Variants in MTSS1 observed in about 807,000 individuals in gnomAD.
MTSS1 encodes the protein protein MTSS 1.
In MTSS1, 18 loss-of-function variants were observed where a neutral mutation model predicts 79.0. That is an observed-to-expected ratio of 0.23 (90% confidence interval 0.16 to 0.34). MTSS1 has a LOEUF of 0.34. Ranked by LOEUF, MTSS1 falls within the 10% of genes least tolerant of loss-of-function variation. MTSS1 has a pLI of 1.00. For missense variants in MTSS1, 815 were observed against 986.2 expected, an observed-to-expected ratio of 0.83 and a Z score of 2.33; for synonymous variants, 341 against 368.6, an observed-to-expected ratio of 0.93 and a Z score of 0.86.
At position 124,551,515 on chromosome 8, in the gene MTSS1, A is replaced by C. The variant is rs1220063051; in HGVS notation, c.*1477T>G. The C allele has an allele frequency of 6.5e-6, 1 of 152,680 alleles. No individual in the cohort carries two copies. The highest frequency in any genetic ancestry group is 2.4e-5 in the African/African-American group (1 of 41,460). 9.5% of individuals were successfully genotyped at this position (152,680 alleles called of 1,614,324 possible). A position where few individuals can be genotyped will look rare whatever the true frequency, so the allele number is the denominator to read the frequency against. ...GATTAGGTAATTGAGGGTTAGAGCC[A>C]ACAGGAATCTGCAGGGTGTATGAAA... On this transcript the variant is annotated 3_prime_UTR_variant, in exon 14 of 14. Transcript: ENST00000518547.
intron 10 of MTSS1, 70 bp downstream of exon 10, chr8:124,562,712 G>T: frequency 6.9e-7 from 1 of 1,458,160 alleles, no homozygotes; most frequent in Non-Finnish European, 9.6e-7. Flanking sequence ...GTGCTTCTTT[G>T]GTTCTGGCCA....
intron 11 of MTSS1, chr8:124,556,612 T>A: frequency 1.7e-6 from 1 of 592,908 alleles, no homozygotes; most frequent in Non-Finnish European, 2.9e-6. Context: ...TGTACCTCCC[T>A]TTTCCTCGTC....
At chr8:124,654,886 A>G (rs1229593891) in intron 3 of MTSS1, among the ~76,000 whole-genome samples, 1 of 152,232 alleles carries the variant, frequency 6.6e-6, no homozygotes, top group East Asian at 1.9e-4. Context: ...AATTTCAATA[A>G]CTTGCCCAAG....
chr8:124,666,552 C>T (rs1483758836), intron 3 of MTSS1, among the ~76,000 whole-genome samples: 1 of 152,074 alleles, frequency 6.6e-6, no homozygotes, highest in Non-Finnish European at 1.5e-5. Context: ...CGGCTAAGTT[C>T]GCCACCGGGA....
rs1232976338 is a variant in MTSS1, at chr8:124,557,814, G to A, written c.1097C>T (p.Ala366Val). The A allele has an allele frequency of 6.2e-7, 1 of 1,601,078 alleles. No homozygotes were observed. Among genetic ancestry groups the A allele is most frequent in the Non-Finnish European group, 8.5e-7 (1 of 1,173,680 alleles). The change falls in exon 11 of 14, where the codon GCA (alanine) becomes GTA (valine). Residue 366 changes from alanine to valine, a missense_variant. By Grantham distance (64) the Ala-to-Val change is moderately conservative (BLOSUM62 0). Transcript: ENST00000518547. ...AGGCAGGCAATGAGGGAAAAGGCCTGCACCCGTGGGCCCCACGTGGGACTC... is the reference window on the plus strand; with the variant it reads ...AGGCAGGCAATGAGGGAAAAGGCCTACACCCGTGGGCCCCACGTGGGACTC... Reference protein sequence around the residue: ...SSESHVGPTGAGLFPHCLPAS... With the variant: ...SSESHVGPTGVGLFPHCLPAS...
intron 3 of MTSS1, among the ~76,000 whole-genome samples, chr8:124,653,113 G>C (rs546790378): frequency 8.5e-5 from 13 of 152,340 alleles, no homozygotes; most frequent in Non-Finnish European, 1.8e-4. Context: ...GCCCGGATGG[G>C]GCACAGGAGC....
chr8:124,686,530 T>C (rs1025369660), intron 3 of MTSS1, among the ~76,000 whole-genome samples: 10 of 152,084 alleles, frequency 6.6e-5, no homozygotes, highest in African/African-American at 2.4e-4. Context: ...ATTTCAAACC[T>C]AGCTTCAATG....
In MTSS1 at chr8:124,643,827, ATAC is replaced by A. The variant is rs772084265; in HGVS notation, c.209-52595_209-52593del. ...AATATTAGGAGAAAAGTACAACAAA[ATAC>A]TACATTAGGTATTTCCAAATGGCAA... is the stretch of plus-strand genomic sequence containing the variant. On this transcript the variant is annotated intron_variant, in intron 3 of 13. Coordinates refer to ENST00000518547, the MANE Select transcript of MTSS1 (RefSeq NM_014751.6). Among the ~76,000 whole-genome samples the A allele has an allele frequency of 3.3e-5, 5 of 152,296 alleles. No individual in the cohort carries two copies. In the South Asian group the frequency reaches 1.0e-3, roughly 32 times the overall value.
At chr8:124,592,981 C>A (rs543257930) in intron 3 of MTSS1, among the ~76,000 whole-genome samples, 1 of 152,324 alleles carries the variant, frequency 6.6e-6, no homozygotes, top group African/African-American at 2.4e-5. Context: ...AGAACCCAAG[C>A]GAGGGCCAAG....
At chr8:124,654,897 G>C (rs1448115041) in intron 3 of MTSS1, among the ~76,000 whole-genome samples, 1 of 152,166 alleles carries the variant, frequency 6.6e-6, no homozygotes, top group East Asian at 1.9e-4. Context: ...CTTGCCCAAG[G>C]CCACAAAGTT....
intron 3 of MTSS1, among the ~76,000 whole-genome samples, chr8:124,687,468 C>T (rs1374162118): frequency 2.0e-5 from 3 of 152,194 alleles, no homozygotes; most frequent in African/African-American, 7.2e-5. Context: ...CAATCACGTG[C>T]TTAAGTGGCA....
chr8:124,649,874 G>A (rs151266725), intron 3 of MTSS1, among the ~76,000 whole-genome samples: 11 of 151,842 alleles, frequency 7.2e-5, no homozygotes, highest in East Asian at 1.9e-4. Flanking sequence ...TCAAACTTAC[G>A]GCAGCCTCCT....
Position 124,636,428 on chromosome 8 carries a change from G to A in MTSS1, c.209-45193C>T, listed in dbSNP as rs992602314. Among the ~76,000 whole-genome samples the A allele has an allele frequency of 1.2e-3, 189 of 152,316 alleles. 3 individuals carry two copies. Among genetic ancestry groups the A allele is most frequent in the Admixed American group, 0.012 (184 of 15,298 alleles). ...TTACAGGTGTGAGTCACTGCACCCC[G>A]CCAAAGTTTGGTGGCCTTTCTCTAT... is the stretch of plus-strand genomic sequence containing the variant. On this transcript the variant is annotated intron_variant, in intron 3 of 13. Transcript: ENST00000518547.
In MTSS1 at chr8:124,562,774, AC is replaced by A; in HGVS notation, c.1035+7del. 1 of 1,613,048 alleles carries A rather than the reference AC, an allele frequency of 6.2e-7. No individual in the cohort carries two copies. ...GACAGCTGCTCCTGGAGCCAAGGGC[AC>A]CCTTACCTGGTTGGGGGCCTCTGGC... On this transcript the variant is annotated splice_region_variant and intron_variant, in intron 10 of 13. Coordinates refer to ENST00000518547, the MANE Select transcript of MTSS1 (RefSeq NM_014751.6).
intron 3 of MTSS1, among the ~76,000 whole-genome samples, chr8:124,675,929 G>A (rs1167806543): frequency 1.3e-5 from 2 of 152,152 alleles, no homozygotes; most frequent in East Asian, 1.9e-4. Context: ...TGGTTATCAC[G>A]AATAATGTTG....
chr8:124,670,696 G>A (rs946126252), intron 3 of MTSS1, among the ~76,000 whole-genome samples: 1 of 152,110 alleles, frequency 6.6e-6, no homozygotes, highest in African/African-American at 2.4e-5. Context: ...TGTTTAGACT[G>A]GGGCAGTGAA....
At position 124,555,949 on chromosome 8, in the gene MTSS1, G is replaced by C. The variant is rs201460545; in HGVS notation, c.1405-45C>G. On this transcript the variant is annotated intron_variant, in intron 12 of 13. Transcript: ENST00000518547. ...AATACACAGGTTGCTTTAGGGGGGG[G>C]GCTCAACAGCACTCCTGTTCTGCCC... 1,248 of 1,470,542 alleles carry C rather than the reference G, an allele frequency of 8.5e-4. 2 individuals are homozygous for C. The highest frequency in any genetic ancestry group is 1.0e-3 in the Non-Finnish European group (1,101 of 1,071,698). The allele number at this position is 1,470,542 out of a possible 1,614,324, so 91.1% of individuals were successfully genotyped here.
At chr8:124,573,445 T>C (rs940431623) in intron 6 of MTSS1, among the ~76,000 whole-genome samples, 9 of 152,254 alleles carry the variant, frequency 5.9e-5, no homozygotes, top group African/African-American at 1.9e-4. Context: ...TCTCTAGTTA[T>C]TTGATTGACG....
chr8:124,633,784 AC>A (rs1352560203), intron 3 of MTSS1, among the ~76,000 whole-genome samples: 78 of 149,968 alleles, frequency 5.2e-4, no homozygotes, highest in Admixed American at 9.9e-4. Context: ...AAAAAAAAAA[AC>A]CAACAACAAC....
Sources: allele counts gnomAD v4.1 joint callset (sites outside exome capture counted in the v4.1 genomes callset), GRCh38; gene constraint gnomAD v4.1.1; transcripts MANE v1.5; gene names NCBI Gene and HGNC (gene_info 2026-07-23, HGNC 2026-07-21).